Variants in IQSEC1 observed in about 807,000 individuals in gnomAD.
The protein encoded by IQSEC1 is IQ motif and Sec7 domain ArfGEF 1.
IQSEC1 carries 31 observed loss-of-function variants against 91.0 expected under a neutral mutation model. That is an observed-to-expected ratio of 0.34 (90% CI 0.26 to 0.46). IQSEC1 has a LOEUF of 0.46. Ranked by LOEUF, IQSEC1 falls within the 20% of genes least tolerant of loss-of-function variation. The pLI is 1.00. For synonymous variants in IQSEC1, 699 were observed against 662.6 expected (o/e 1.05, Z -0.84); for missense variants, 1,388 against 1,575.6 (o/e 0.88, Z 2.02).
chr3:13,173,983 C>T (rs931945197), intron 1 of IQSEC1, among the ~76,000 whole-genome samples: 8 of 152,166 alleles, frequency 5.3e-5, no homozygotes, highest in Admixed American at 1.3e-4. Context: ...CAGGATTCCT[C>T]GCTATGGAGT....
intron 1 of IQSEC1, among the ~76,000 whole-genome samples, chr3:13,219,596 AG>A (rs776375872): frequency 6.6e-6 from 1 of 152,352 alleles, no homozygotes; most frequent in South Asian, 2.1e-4. Flanking sequence ...GGATCAGCGG[AG>A]GTGTGAAAGT....
chr3:13,022,098 C>A (rs1703428108), intron 1 of IQSEC1: 1 of 1,231,786 alleles, frequency 8.1e-7, no homozygotes, highest in African/African-American at 1.6e-5. Flanking sequence ...CATACCCCTT[C>A]ATGCCTGGCT....
chr3:12,902,002 T>C (rs916134568), intron 13 of IQSEC1, among the ~76,000 whole-genome samples: 1 of 151,258 alleles, frequency 6.6e-6, no homozygotes, highest in Non-Finnish European at 1.5e-5. Context: ...TCCGCCCATG[T>C]GGGTCCTGAG....
At chr3:13,061,088 C>T (rs1432808311) in intron 1 of IQSEC1, among the ~76,000 whole-genome samples, 2 of 152,126 alleles carry the variant, frequency 1.3e-5, no homozygotes, top group Non-Finnish European at 2.9e-5. Flanking sequence ...AATCCCAGGC[C>T]ACGCGTGGCC....
intron 6 of IQSEC1, among the ~76,000 whole-genome samples, chr3:12,915,948 G>T (rs1696046416): frequency 6.6e-6 from 1 of 152,200 alleles, no homozygotes; most frequent in African/African-American, 2.4e-5. Flanking sequence ...GGTCTAGTAG[G>T]CGATGGGTGT....
chr3:13,150,730 C>T (rs151224117), intron 2 of IQSEC1, among the ~76,000 whole-genome samples: 3 of 152,306 alleles, frequency 2.0e-5, no homozygotes, highest in Admixed American at 6.5e-5. Flanking sequence ...CTCTCACCCA[C>T]GGCGGGAGGG....
At chr3:13,257,527 C>T (rs973618271) in intron 1 of IQSEC1, among the ~76,000 whole-genome samples, 5 of 152,328 alleles carry the variant, frequency 3.3e-5, no homozygotes, top group South Asian at 2.1e-4. Context: ...CAGCCCTTCC[C>T]GCCCCCGCCT....
chr3:12,927,030 C>T (rs946505905), intron 3 of IQSEC1, among the ~76,000 whole-genome samples: 4 of 152,122 alleles, frequency 2.6e-5, no homozygotes, highest in African/African-American at 7.2e-5. Context: ...CGGGGGTCTC[C>T]AAACAAGAAC....
rs78866650 is a variant in IQSEC1 at position 13,266,726 on chromosome 3, AG to A, written c.272+15984del. On this transcript the variant is annotated intron_variant, in intron 1 of 15. Transcript: ENST00000648114. Reference sequence around the variant, plus strand: ...GGGAGACCCCACATGCTGAATCCCCAGGGTCCCTGAAGGATAGCACAAAAGT... The same window carrying A: ...GGGAGACCCCACATGCTGAATCCCCAGGTCCCTGAAGGATAGCACAAAAGT... Among the ~76,000 whole-genome samples, 373 of 152,298 alleles carry A rather than the reference AG, an allele frequency of 2.4e-3. 13 individuals carry two copies. The East Asian group carries it at 0.057, about 23-fold the overall frequency.
At chr3:13,212,154 T>G (rs1397774073) in intron 1 of IQSEC1, among the ~76,000 whole-genome samples, 1 of 152,222 alleles carries the variant, frequency 6.6e-6, no homozygotes, top group Non-Finnish European at 1.5e-5. Flanking sequence ...CCACCAAGGT[T>G]GTTGTGCTAT....
rs1376112142 is a variant in IQSEC1, at chr3:12,983,718, A to G, written c.24-41853T>C. Among the ~76,000 whole-genome samples the G allele has an allele frequency of 6.6e-6, 1 of 152,188 alleles. No homozygotes were observed. Among genetic ancestry groups the G allele is most frequent in the Non-Finnish European group, 1.5e-5 (1 of 68,030 alleles). On this transcript the variant is annotated intron_variant, in intron 1 of 13. Coordinates refer to ENST00000613206, the MANE Select transcript of IQSEC1 (RefSeq NM_001134382.3). The surrounding 1 kb of genome is among the most constrained non-coding windows in gnomAD (Gnocchi z 4.3). Reference sequence around the variant, plus strand: ...CCAGCACCTGGGCGATGCTGTTCAGAGGACAATTTCCCTTTCCCTCTCCCC... The same window carrying G: ...CCAGCACCTGGGCGATGCTGTTCAGGGGACAATTTCCCTTTCCCTCTCCCC...
chr3:13,153,052 T>C, intron 2 of IQSEC1, among the ~76,000 whole-genome samples: 1 of 150,114 alleles, frequency 6.7e-6, no homozygotes, highest in African/African-American at 2.5e-5. Flanking sequence ...GCCTTTTCTT[T>C]CCCCTCCCCT....
chr3:13,205,900 C>A (rs1694335186), intron 1 of IQSEC1, among the ~76,000 whole-genome samples: 1 of 148,232 alleles, frequency 6.7e-6, no homozygotes, highest in African/African-American at 2.5e-5. Context: ...ATCCCCCATC[C>A]CCCATCCATC....
intron 2 of IQSEC1, among the ~76,000 whole-genome samples, chr3:13,133,072 A>T (rs935260875): frequency 2.0e-5 from 3 of 152,242 alleles, no homozygotes; most frequent in Non-Finnish European, 2.9e-5. Context: ...GTAACACCAT[A>T]TGTCTAACCA....
At chr3:13,139,809 C>A (rs1316608669) in intron 2 of IQSEC1, among the ~76,000 whole-genome samples, 1 of 152,212 alleles carries the variant, frequency 6.6e-6, no homozygotes, top group Non-Finnish European at 1.5e-5. Flanking sequence ...CATCTGCCTA[C>A]AATGCACCTG....
intron 1 of IQSEC1, among the ~76,000 whole-genome samples, chr3:13,252,001 C>T (rs1334573145): frequency 1.3e-5 from 2 of 152,194 alleles, no homozygotes; most frequent in Admixed American, 6.5e-5. Context: ...TCACTATGCC[C>T]CACATACTGT....
At chr3:13,061,543 C>G (rs914473480) in intron 1 of IQSEC1, among the ~76,000 whole-genome samples, 4 of 152,052 alleles carry the variant, frequency 2.6e-5, no homozygotes, top group Non-Finnish European at 5.9e-5. Context: ...ACATGCAGTC[C>G]CCAGCCCCCA....
At chr3:12,990,627 G>A (rs1045824974) in intron 1 of IQSEC1, among the ~76,000 whole-genome samples, 2 of 152,158 alleles carry the variant, frequency 1.3e-5, no homozygotes, top group Non-Finnish European at 2.9e-5. Flanking sequence ...TCTGGACTCC[G>A]CGCACTTGAG....
intron 1 of IQSEC1, among the ~76,000 whole-genome samples, chr3:13,021,194 C>T (rs1408630052): frequency 6.6e-6 from 1 of 152,210 alleles, no homozygotes. Flanking sequence ...AGACCCCAGC[C>T]TTGCCTGAGA....
Sources: allele counts gnomAD v4.1 joint callset (sites outside exome capture counted in the v4.1 genomes callset), GRCh38; gene constraint gnomAD v4.1.1; non-coding constraint Gnocchi (gnomAD v3.1); transcripts MANE v1.5; gene names NCBI Gene and HGNC (gene_info 2026-07-23, HGNC 2026-07-21).